The following BCAS3 variants were observed in gnomAD, a reference collection of about 807,000 sequenced individuals.
BCAS3 encodes BCAS4/BCAS3 fusion.
BCAS3 carries 53 observed loss-of-function variants against 116.1 expected under a neutral mutation model. The ratio of observed to expected loss-of-function variants is 0.46; its 90% CI spans 0.37 to 0.57. The LOEUF is 0.57. Among genes scored for constraint, BCAS3 ranks in the 20% least tolerant of loss-of-function variants. The pLI, the probability that BCAS3 is intolerant of heterozygous loss-of-function variation, is 0.00. For missense variants in BCAS3, 917 were observed against 1,165.4 expected (o/e 0.79, Z 3.10); for synonymous variants, 391 against 408.2 (o/e 0.96, Z 0.51).
chr17:61,330,760 C>T lies in BCAS3; in HGVS notation c.2426-37567C>T, dbSNP rs557907253. On this transcript the variant is annotated intron_variant, in intron 22 of 23. Transcript: ENST00000407086. The stretch of plus-strand genomic sequence containing the variant: ...CAGCAATGGCCAGGGAATGAGGAGA[C>T]CCGAGTTCTAATCCCAGCACTATCA... Among the ~76,000 whole-genome samples the T allele has an allele frequency of 7.9e-5, 12 of 152,334 alleles. No homozygotes were observed. In the East Asian group the frequency reaches 2.3e-3, roughly 29 times the overall value.
chr17:60,702,510 A>G (rs574540347), intron 4 of BCAS3, among the ~76,000 whole-genome samples: 15 of 152,346 alleles, frequency 9.8e-5, no homozygotes, highest in African/African-American at 3.6e-4. Context: ...TATGTACTGT[A>G]GATTGAAGTC....
chr17:60,712,004 A>G (rs1406158883), intron 5 of BCAS3, among the ~76,000 whole-genome samples: 1 of 152,008 alleles, frequency 6.6e-6, no homozygotes, highest in Non-Finnish European at 1.5e-5. Flanking sequence ...TCTACTAAAA[A>G]TAAAAAAAAA....
In BCAS3 at chr17:61,219,129, C is replaced by A. The variant is rs910599673; in HGVS notation, c.2425+134565C>A. Among the ~76,000 whole-genome samples, 3 of 152,128 alleles carry A rather than the reference C, an allele frequency of 2.0e-5. No homozygotes were observed. Among genetic ancestry groups the A allele is most frequent in the African/African-American group, 7.2e-5 (3 of 41,438 alleles). The stretch of plus-strand genomic sequence containing the variant: ...TAGGAAATATGAAATGAAGTAAAGT[C>A]CAAAAGCAAACAGGTCTGTAGCCTT... On this transcript the variant is annotated intron_variant, in intron 22 of 23. Coordinates refer to ENST00000407086, the MANE Select transcript of BCAS3 (RefSeq NM_017679.5). The surrounding 1 kb of genome is among the most constrained non-coding windows in gnomAD (Gnocchi z 5.2).
rs147663562 is a variant in BCAS3, at chr17:60,824,586, T to C, written c.476+16510T>C. 2.6e-3 allele frequency among the ~76,000 whole-genome samples: 403 copies of C among 152,356 alleles called. 1 individual carries two copies. The highest frequency in any genetic ancestry group is 4.8e-3 in the Non-Finnish European group (325 of 68,024). On this transcript the variant is annotated intron_variant, in intron 7 of 23. Coordinates refer to ENST00000407086, the MANE Select transcript of BCAS3 (RefSeq NM_017679.5). ...CCTGCTTCTCAGAGTGAATCCTACA[T>C]GACTTTTTTCTGTGTTCTGTCACCA...
Position 60,961,796 on chromosome 17 carries a change from AT to A in BCAS3, c.1221+14445del. ...CACTGCTTTTTTTTTTTCACATCAGATGGATAATGTGCTGACATTGTAACGA... is the reference window on the plus strand; with the variant it reads ...CACTGCTTTTTTTTTTTCACATCAGAGGATAATGTGCTGACATTGTAACGA... On this transcript the variant is annotated intron_variant, in intron 14 of 23. Transcript: ENST00000407086. The surrounding 1 kb of genome is among the most constrained non-coding windows in gnomAD (Gnocchi z 4.8). Among the ~76,000 whole-genome samples, 1 of 150,372 alleles carries A rather than the reference AT, an allele frequency of 6.7e-6. No individual in the cohort carries two copies. Among genetic ancestry groups the A allele is most frequent in the South Asian group, 2.1e-4 (1 of 4,774 alleles).
chr17:61,391,977 A>G lies in BCAS3; in HGVS notation c.2594A>G (p.Glu865Gly), dbSNP rs775435535. 3 of 1,613,306 alleles carry G rather than the reference A, an allele frequency of 1.9e-6. No homozygotes were observed. Among genetic ancestry groups the G allele is most frequent in the South Asian group, 2.2e-5 (2 of 91,060 alleles). The change falls in exon 24 of 24, where the codon GAA becomes GGA. Residue 865 changes from glutamate (E) to glycine (G), a missense_variant and splice_region_variant. By Grantham distance (98) the Glu-to-Gly change is moderately conservative. This residue lies in a region of BCAS3 where 109 missense variants were observed against 122.8 expected (regional missense o/e 0.89). Transcript: ENST00000407086. This position sits in a 1 kb window ranked among gnomAD's most constrained non-coding sequence, Gnocchi z 7.7. ...PSRDVVGSGT[E>G]LQREGSIETL... The stretch of plus-strand genomic sequence containing the variant: ...CCTGGCCCTCTCCTGTGTCTTGCAG[A>G]ACTTCAGCGAGAGGGAAGCATCGAG...
rs1390161214 is a variant in BCAS3, at chr17:61,023,783, A to G, written c.1637+7882A>G. On this transcript the variant is annotated intron_variant, in intron 16 of 23. Transcript: ENST00000407086. The surrounding 1 kb of genome is among the most constrained non-coding windows in gnomAD (Gnocchi z 4.8). ...CACGGTGGCCTATATATAAGTCTGT[A>G]ATATTTCTGGATTTTTAGTCTCTTG... Among the ~76,000 whole-genome samples the G allele has an allele frequency of 6.6e-6, 1 of 152,128 alleles. No individual in the cohort carries two copies. Among genetic ancestry groups the G allele is most frequent in the Non-Finnish European group, 1.5e-5 (1 of 68,010 alleles).
At position 61,122,549 on chromosome 17, in the gene BCAS3, G is replaced by A. The variant is rs2075838193; in HGVS notation, c.2425+37985G>A. On this transcript the variant is annotated intron_variant, in intron 22 of 23. Transcript: ENST00000407086. The surrounding 1 kb of genome is among the most constrained non-coding windows in gnomAD (Gnocchi z 4.6). ...ACACATCTGCTAATGCAAAAGCCCC[G>A]TGTGAGCATTAGTACTCAGGAATGT... Among the ~76,000 whole-genome samples the A allele has an allele frequency of 2.0e-5, 3 of 152,130 alleles. No homozygotes were observed. The highest frequency in any genetic ancestry group is 4.4e-5 in the Non-Finnish European group (3 of 68,032).
rs1168955631 is a variant in BCAS3, at chr17:61,265,959, C to A, written c.2426-102368C>A. ...AATCCAGTGTCACCTTTCATAGATACTAAAATATTTCCTTTCTTCATTTCT... is the reference window on the plus strand; with the variant it reads ...AATCCAGTGTCACCTTTCATAGATAATAAAATATTTCCTTTCTTCATTTCT... On this transcript the variant is annotated intron_variant, in intron 22 of 23. Transcript: ENST00000407086. This position sits in a 1 kb window ranked among gnomAD's most constrained non-coding sequence, Gnocchi z 4.3. 1.6e-4 allele frequency among the ~76,000 whole-genome samples: 25 copies of A among 152,128 alleles called. No homozygotes were observed. Among genetic ancestry groups the A allele is most frequent in the Admixed American group, 1.6e-3 (25 of 15,264 alleles).
At position 61,020,521 on chromosome 17, in the gene BCAS3, T is replaced by G. The variant is rs1336314883; in HGVS notation, c.1637+4620T>G. 6.6e-6 allele frequency among the ~76,000 whole-genome samples: 1 copy of G among 152,202 alleles called. No homozygotes were observed. The highest frequency in any genetic ancestry group is 2.4e-5 in the African/African-American group (1 of 41,452). ...TCACCCATTCAAACAGACTCTGTTTTCTTTCAGTTTAAGACTGGAGGTTTA... is the reference window on the plus strand; with the variant it reads ...TCACCCATTCAAACAGACTCTGTTTGCTTTCAGTTTAAGACTGGAGGTTTA... On this transcript the variant is annotated intron_variant, in intron 16 of 23. Transcript: ENST00000407086. The surrounding 1 kb of genome is among the most constrained non-coding windows in gnomAD (Gnocchi z 4.5).
At chr17:61,074,776 C>G (rs1347353487) in intron 19 of BCAS3, 144 bp from the exon 20 acceptor site, 2 of 438,424 alleles carry the variant, frequency 4.6e-6, no homozygotes, top group East Asian at 7.0e-5. Flanking sequence ...CTTACTTGTT[C>G]AATAATTGTT....
chr17:60,968,644 C>G (rs1300974653), intron 14 of BCAS3, among the ~76,000 whole-genome samples: 2 of 152,120 alleles, frequency 1.3e-5, no homozygotes, highest in East Asian at 3.9e-4. Context: ...ACTGCCTATC[C>G]TGATTTGGGA....
intron 22 of BCAS3, among the ~76,000 whole-genome samples, chr17:61,148,174 A>T (rs777902607): frequency 6.6e-6 from 1 of 151,654 alleles, no homozygotes; most frequent in Non-Finnish European, 1.5e-5. Flanking sequence ...AATACATCTC[A>T]CACACACACA....
At chr17:60,757,558 A>G (rs12936804) in intron 6 of BCAS3, among the ~76,000 whole-genome samples, 110,163 of 151,726 alleles carry the variant, frequency 0.73, 45,684 homozygotes, top group South Asian at 0.98. Flanking sequence ...TTGGCCATTA[A>G]TATGTCTTCT....
intron 15 of BCAS3, among the ~76,000 whole-genome samples, chr17:61,010,998 G>A (rs1464675943): frequency 1.3e-5 from 2 of 151,890 alleles, no homozygotes; most frequent in Non-Finnish European, 2.9e-5. Context: ...TCATTCTCAT[G>A]GCATTTGTCA....
At position 61,309,529 on chromosome 17, in the gene BCAS3, C is replaced by T. The variant is rs115598205; in HGVS notation, c.2426-58798C>T. Among the ~76,000 whole-genome samples the T allele has an allele frequency of 5.0e-3, 759 of 152,208 alleles. 8 individuals are homozygous for T. Among genetic ancestry groups the T allele is most frequent in the African/African-American group, 0.017 (725 of 41,536 alleles). ...CTGACCCTTCCCTGCCTCACTTGCC[C>T]TCTACTTCCCAGCTTCACCATAGCT... is the stretch of plus-strand genomic sequence containing the variant. On this transcript the variant is annotated intron_variant, in intron 22 of 23. Coordinates refer to ENST00000407086, the MANE Select transcript of BCAS3 (RefSeq NM_017679.5). The surrounding 1 kb of genome is among the most constrained non-coding windows in gnomAD (Gnocchi z 4.6).
In BCAS3 at chr17:61,087,974, G is replaced by A. The variant is rs1348512573; in HGVS notation, c.2425+3410G>A. On this transcript the variant is annotated intron_variant, in intron 22 of 23. Transcript: ENST00000407086. This position sits in a 1 kb window ranked among gnomAD's most constrained non-coding sequence, Gnocchi z 4.6. The stretch of plus-strand genomic sequence containing the variant: ...GAAGCGGTGGATCACTTGAGGTCAG[G>A]TGTTTGAGACCAGCCTGGCTAACAT... Among the ~76,000 whole-genome samples the A allele has an allele frequency of 6.6e-6, 1 of 152,070 alleles. No homozygotes were observed. Among genetic ancestry groups the A allele is most frequent in the Non-Finnish European group, 1.5e-5 (1 of 68,018 alleles).
chr17:61,271,445 G>A (rs1358382285), intron 22 of BCAS3, among the ~76,000 whole-genome samples: 13 of 1,322 alleles, frequency 9.8e-3, no homozygotes, highest in African/African-American at 0.013. Context: ...TTTGTCTTAG[G>A]TGGAGTCTCG....
At chr17:60,839,569 A>C (rs1305850517) in intron 7 of BCAS3, among the ~76,000 whole-genome samples, 2 of 152,074 alleles carry the variant, frequency 1.3e-5, no homozygotes, top group African/African-American at 4.8e-5. Context: ...GGCTCATCAC[A>C]GGTTTAGCTT....
Sources: gnomAD v4.1 joint callset for allele counts (sites outside exome capture counted in the v4.1 genomes callset) on GRCh38, gnomAD v4.1.1 for gene constraint, gnomAD v4.1.1 regional missense constraint, Gnocchi (gnomAD v3.1) non-coding constraint, MANE v1.5 for transcripts, NCBI Gene and HGNC (gene_info 2026-07-23, HGNC 2026-07-21) for gene names.